FGFR2: variants seen among roughly 807,000 people sequenced by gnomAD.
The protein encoded by FGFR2 is fibroblast growth factor receptor 2, also known as BEK fibroblast growth factor receptor.
In FGFR2, 19 loss-of-function variants were observed where a neutral mutation model predicts 95.9. The ratio of observed to expected loss-of-function variants is 0.20; its 90% CI spans 0.14 to 0.29. FGFR2 has a LOEUF of 0.29. FGFR2 is among the 10% of genes least tolerant of loss of function. The pLI, the probability that FGFR2 is intolerant of heterozygous loss-of-function variation, is 1.00. For missense variants in FGFR2, 707 were observed against 1,056.9 expected, an observed-to-expected ratio of 0.67 and a Z score of 4.59; for synonymous variants, 392 against 393.3, an observed-to-expected ratio of 1.00 and a Z score of 0.04.
intron 10 of FGFR2, among the ~76,000 whole-genome samples, chr10:121,502,694 A>G (rs1406417044): frequency 6.6e-6 from 1 of 152,236 alleles, no homozygotes; most frequent in Non-Finnish European, 1.5e-5. Context: ...ATGTCAAGGC[A>G]AACAGGGTAG....
chr10:121,489,983 C>CT (rs1176451572), intron 13 of FGFR2, among the ~76,000 whole-genome samples: 1 of 152,178 alleles, frequency 6.6e-6, no homozygotes, highest in Admixed American at 6.5e-5. Flanking sequence ...CAATGCCCGT[C>CT]TATCCACGTT....
intron 6 of FGFR2, chr10:121,526,702 G>C (rs1353960576): frequency 2.5e-6 from 1 of 398,494 alleles, no homozygotes; most frequent in East Asian, 3.6e-5. Context: ...AGATGAGTGG[G>C]CTGGGATGCT....
At chr10:121,507,645 A>G (rs1262750785) in intron 9 of FGFR2, among the ~76,000 whole-genome samples, 1 of 152,164 alleles carries the variant, frequency 6.6e-6, no homozygotes, top group Non-Finnish European at 1.5e-5. Flanking sequence ...TGTGATGATA[A>G]AATGAGGGAA....
chr10:121,508,791 T>A (rs1469521540), intron 9 of FGFR2, among the ~76,000 whole-genome samples: 3 of 152,236 alleles, frequency 2.0e-5, no homozygotes, highest in African/African-American at 7.2e-5. Flanking sequence ...GTGCAAAGTC[T>A]AAGAAACTAT....
intron 2 of FGFR2, chr10:121,583,485 C>A (rs149818874): frequency 6.6e-6 from 1 of 152,312 alleles, no homozygotes; most frequent in African/African-American, 2.4e-5. Flanking sequence ...CAGCCTGGAC[C>A]ACCAACTGGG....
intron 6 of FGFR2, 49 bp downstream of exon 6, chr10:121,538,543 G>A (rs2134597899): frequency 4.3e-6 from 7 of 1,613,944 alleles, no homozygotes; most frequent in Non-Finnish European, 5.9e-6. Context: ...AACGAGTCAA[G>A]CAAGAATGGG....
At chr10:121,487,236 G>T in intron 15 of FGFR2, 118 bp downstream of exon 15, 1 of 184,708 alleles carries the variant, frequency 5.4e-6, no homozygotes, top group East Asian at 6.3e-5. Flanking sequence ...GCCAGCTCCT[G>T]CACCTTCTAC....
intron 4 of FGFR2, among the ~76,000 whole-genome samples, chr10:121,554,948 C>G (rs17614209): frequency 0.013 from 2,050 of 152,232 alleles, 30 homozygotes; most frequent in Non-Finnish European, 0.021. Flanking sequence ...TATACCAAGG[C>G]TCGTGAACAG....
chr10:121,488,957 T>C (rs1425196818), intron 13 of FGFR2, among the ~76,000 whole-genome samples: 2 of 152,234 alleles, frequency 1.3e-5, no homozygotes, highest in African/African-American at 2.4e-5. Flanking sequence ...AACCTCTGAA[T>C]TGTTAGACGC....
At chr10:121,507,034 C>T (rs1848387629) in intron 9 of FGFR2, among the ~76,000 whole-genome samples, 1 of 152,218 alleles carries the variant, frequency 6.6e-6, no homozygotes, top group Non-Finnish European at 1.5e-5. Context: ...TCGGCCCTTC[C>T]TTCTGCTACC....
chr10:121,519,877 G>A (rs1275269474), intron 7 of FGFR2, 102 bp downstream of exon 7: 6 of 1,125,832 alleles, frequency 5.3e-6, no homozygotes, highest in Admixed American at 1.8e-5. Context: ...TCAAAAAAGA[G>A]AATCATCCTC....
At chr10:121,560,615 CAAAAAAAAAAAAAAAAA>C (rs34753296) in intron 4 of FGFR2, among the ~76,000 whole-genome samples, 1 of 51,794 alleles carries the variant, frequency 1.9e-5, no homozygotes, top group Non-Finnish European at 3.6e-5. Context: ...ACTCCGTCCC[CAAAAAAAAAAAAAAAAA>C]AAAAAAAAAG....
In FGFR2 at chr10:121,515,797, C is replaced by T. The variant is rs569197795; in HGVS notation, c.1085-478G>A. 4.1e-4 allele frequency among the ~76,000 whole-genome samples: 62 copies of T among 149,806 alleles called. 1 individual carries two copies. The highest frequency in any genetic ancestry group is 8.1e-4 in the Non-Finnish European group (55 of 67,672). The stretch of plus-strand genomic sequence containing the variant: ...GAAGACTCCACAGGATAATTTAACC[C>T]GGATGAACACAATTCCATATGAAAC... On this transcript the variant is annotated intron_variant, in intron 8 of 17. Transcript: ENST00000358487.
At chr10:121,501,837 C>T (rs1485886720) in intron 10 of FGFR2, among the ~76,000 whole-genome samples, 2 of 152,210 alleles carry the variant, frequency 1.3e-5, no homozygotes, top group Admixed American at 6.5e-5. Context: ...TTAAATTTAA[C>T]ATCTTGGCAG....
intron 13 of FGFR2, among the ~76,000 whole-genome samples, chr10:121,493,496 T>C (rs1397863386): frequency 6.6e-6 from 1 of 152,164 alleles, no homozygotes; most frequent in African/African-American, 2.4e-5. Flanking sequence ...TGCCCCCTCC[T>C]TCCTGAAGCT....
rs2134312342 is a variant in FGFR2, at chr10:121,520,054, G to C, written c.864C>G (p.Ile288Met). The C allele has an allele frequency of 1.2e-6, 2 of 1,614,216 alleles. No homozygotes were observed. Among genetic ancestry groups the C allele is most frequent in the Non-Finnish European group, 1.7e-6 (2 of 1,180,042 alleles). The change falls in exon 7 of 18, where the codon ATC becomes ATG. Residue 288 changes from isoleucine (I) to methionine (M), a missense_variant. By Grantham distance (10) the Ile-to-Met change is conservative (BLOSUM62 1). Coordinates refer to ENST00000358487, the MANE Select transcript of FGFR2 (RefSeq NM_000141.5). ...TCTTTTCCACGTGCTTGATCCACTG[G>C]ATGTGGGGCTGGGCATCACTGTAAA... ...CKVYSDAQPHIQWIKHVEKNG... is the reference protein window; with the variant it reads ...CKVYSDAQPHMQWIKHVEKNG...
Position 121,531,564 on chromosome 10 carries a change from G to A in FGFR2, c.748+7028C>T, listed in dbSNP as rs945359567. Among the ~76,000 whole-genome samples, 9 of 152,064 alleles carry A rather than the reference G, an allele frequency of 5.9e-5. No individual in the cohort carries two copies. Among genetic ancestry groups the A allele is most frequent in the Admixed American group, 2.0e-4 (3 of 15,266 alleles). On this transcript the variant is annotated intron_variant, in intron 6 of 17. Coordinates refer to ENST00000358487, the MANE Select transcript of FGFR2 (RefSeq NM_000141.5). The surrounding 1 kb of genome is among the most constrained non-coding windows in gnomAD (Gnocchi z 4.5). ...ATGCAAGAGGAAGTATGGGACCAACGCACAATAACGACTAACAGTTGCATG... is the reference window on the plus strand; with the variant it reads ...ATGCAAGAGGAAGTATGGGACCAACACACAATAACGACTAACAGTTGCATG...
chr10:121,489,339 G>A (rs1845837289), intron 13 of FGFR2, among the ~76,000 whole-genome samples: 1 of 152,026 alleles, frequency 6.6e-6, no homozygotes, highest in South Asian at 2.1e-4. Context: ...CTCCCAAAGT[G>A]CTAGGATTAC....
At chr10:121,587,219 G>A (rs1861962182) in intron 2 of FGFR2, among the ~76,000 whole-genome samples, 1 of 152,140 alleles carries the variant, frequency 6.6e-6, no homozygotes, top group Non-Finnish European at 1.5e-5. Context: ...GAAGATTGAA[G>A]CTGACCCCTT....
Sources: gnomAD v4.1 joint callset for allele counts (sites outside exome capture counted in the v4.1 genomes callset) on GRCh38, gnomAD v4.1.1 for gene constraint, Gnocchi (gnomAD v3.1) non-coding constraint, MANE v1.5 for transcripts, NCBI Gene and HGNC (gene_info 2026-07-23, HGNC 2026-07-21) for gene names.